Variants in DCDC1 observed in about 807,000 individuals in gnomAD.
The protein encoded by DCDC1 is doublecortin domain containing 1.
Under a neutral mutation model 178.3 loss-of-function variants are expected in DCDC1, and 200 were observed. That is an observed-to-expected ratio of 1.12 (90% CI 1.00 to 1.26). DCDC1 has a LOEUF of 1.26. DCDC1 is among the 50% of genes most tolerant of loss of function. DCDC1 has a pLI of 0.00. For missense variants in DCDC1, 1,983 were observed against 1,749.2 expected (o/e 1.13, Z -2.38); for synonymous variants, 690 against 604.8 (o/e 1.14, Z -2.07).
chr11:30,869,310 C>T (rs273582), intron 38 of DCDC1, among the ~76,000 whole-genome samples: 105,312 of 152,110 alleles, frequency 0.69, 36,818 homozygotes, highest in Middle Eastern at 0.81. Flanking sequence ...ACATAATGCA[C>T]GTGAGAAGAA....
intron 1 of DCDC1, among the ~76,000 whole-genome samples, chr11:31,344,523 G>A (rs970718345): frequency 3.9e-5 from 6 of 152,168 alleles, no homozygotes; most frequent in African/African-American, 7.2e-5. Flanking sequence ...GACAAGTTAC[G>A]TAACATCTTT....
intron 6 of DCDC1, among the ~76,000 whole-genome samples, chr11:31,298,089 T>C (rs1565572905): frequency 6.6e-6 from 1 of 152,152 alleles, no homozygotes; most frequent in Admixed American, 6.5e-5. Flanking sequence ...ATATTCCGAG[T>C]TCACAAATCT....
chr11:31,128,729 CT>C (rs1341690953), intron 10 of DCDC1, among the ~76,000 whole-genome samples: 2 of 152,114 alleles, frequency 1.3e-5, no homozygotes, highest in Admixed American at 1.3e-4. Context: ...AAGAATAACA[CT>C]GGCTTTACAT....
chr11:31,305,498 G>A (rs887602616), intron 6 of DCDC1, 117 bp downstream of exon 6: 24 of 1,327,944 alleles, frequency 1.8e-5, no homozygotes, highest in South Asian at 4.6e-5. Context: ...CTGTAAATGC[G>A]TAAACATTAG....
chr11:30,910,622 G>A (rs1378510493), intron 28 of DCDC1, among the ~76,000 whole-genome samples: 1 of 152,160 alleles, frequency 6.6e-6, no homozygotes, highest in Non-Finnish European at 1.5e-5. Flanking sequence ...TACATGCAAA[G>A]CAGGAATGCC....
intron 20 of DCDC1, among the ~76,000 whole-genome samples, chr11:30,979,229 T>G (rs965014883): frequency 6.6e-6 from 1 of 152,018 alleles, no homozygotes; most frequent in Admixed American, 6.6e-5. Context: ...AGAGAGAACA[T>G]GAAACTCAAC....
chr11:30,993,987 C>T (rs1425356988), intron 20 of DCDC1, among the ~76,000 whole-genome samples: 1 of 152,098 alleles, frequency 6.6e-6, no homozygotes, highest in African/African-American at 2.4e-5. Flanking sequence ...CCAGCTAAAG[C>T]TCTATCAAGA....
intron 1 of DCDC1, among the ~76,000 whole-genome samples, chr11:31,366,567 T>A (rs1198524128): frequency 6.6e-6 from 1 of 152,220 alleles, no homozygotes; most frequent in East Asian, 1.9e-4. Flanking sequence ...CAGGGATTAC[T>A]CTGATAGGAG....
chr11:31,241,052 A>G (rs1977075794), intron 9 of DCDC1, among the ~76,000 whole-genome samples: 1 of 151,954 alleles, frequency 6.6e-6, no homozygotes, highest in African/African-American at 2.4e-5. Flanking sequence ...TCAGAATGTG[A>G]TTTGTTGTAT....
chr11:30,969,269 C>T (rs1478944485), intron 20 of DCDC1, among the ~76,000 whole-genome samples: 1 of 152,062 alleles, frequency 6.6e-6, no homozygotes, highest in Non-Finnish European at 1.5e-5. Flanking sequence ...AGGCCCTAAA[C>T]CTAATCATAA....
At chr11:31,034,761 T>TGG (rs1334170174) in intron 20 of DCDC1, among the ~76,000 whole-genome samples, 1 of 152,108 alleles carries the variant, frequency 6.6e-6, no homozygotes, top group African/African-American at 2.4e-5. Flanking sequence ...ATATATGGGG[T>TGG]CATTTAGGGA....
At chr11:31,241,919 T>C (rs1342247238) in intron 8 of DCDC1, among the ~76,000 whole-genome samples, 2 of 151,986 alleles carry the variant, frequency 1.3e-5, no homozygotes, top group Non-Finnish European at 2.9e-5. Flanking sequence ...TTCTCATTTA[T>C]CACAGATGAG....
intron 11 of DCDC1, among the ~76,000 whole-genome samples, chr11:31,112,112 A>C (rs917067412): frequency 1.3e-5 from 2 of 152,198 alleles, no homozygotes; most frequent in African/African-American, 4.8e-5. Flanking sequence ...GCTTAAGTGA[A>C]GGGAGGCTGC....
At chr11:31,234,969 A>G (rs912575761) in intron 9 of DCDC1, among the ~76,000 whole-genome samples, 9 of 152,324 alleles carry the variant, frequency 5.9e-5, no homozygotes, top group Admixed American at 5.9e-4. Flanking sequence ...AGTAATTTAA[A>G]GAACATTTGT....
intron 7 of DCDC1, among the ~76,000 whole-genome samples, chr11:31,278,438 CA>C (rs1946153123): frequency 6.6e-6 from 1 of 152,006 alleles, no homozygotes; most frequent in Non-Finnish European, 1.5e-5. Context: ...CACATGATTT[CA>C]CTTATATGTG....
chr11:30,998,166 A>T (rs1951375512), intron 20 of DCDC1, among the ~76,000 whole-genome samples: 1 of 151,922 alleles, frequency 6.6e-6, no homozygotes, highest in Non-Finnish European at 1.5e-5. Context: ...GTTGCATGCA[A>T]CTGTAGTCCT....
intron 20 of DCDC1, among the ~76,000 whole-genome samples, chr11:31,032,974 C>T (rs1322732749): frequency 6.6e-6 from 1 of 152,094 alleles, no homozygotes; most frequent in African/African-American, 2.4e-5. Flanking sequence ...AAAAAAGACA[C>T]ACCTGGCAGA....
At chr11:30,930,285 AGCCACCCT>A (rs1280290205) in intron 22 of DCDC1, among the ~76,000 whole-genome samples, 1 of 152,146 alleles carries the variant, frequency 6.6e-6, no homozygotes, top group African/African-American at 2.4e-5. Flanking sequence ...CTGGACAACC[AGCCACCCT>A]GCAATGTAAC....
intron 9 of DCDC1, among the ~76,000 whole-genome samples, chr11:31,162,279 T>C (rs183434935): frequency 3.3e-5 from 5 of 152,270 alleles, no homozygotes; most frequent in African/African-American, 7.2e-5. Flanking sequence ...TAAAATTAGA[T>C]ATATGGGTAA....
Sources: gnomAD v4.1 joint callset for allele counts (sites outside exome capture counted in the v4.1 genomes callset) on GRCh38, gnomAD v4.1.1 for gene constraint, MANE v1.5 for transcripts, NCBI Gene and HGNC (gene_info 2026-07-23, HGNC 2026-07-21) for gene names.